The following SPOP variants were observed in gnomAD, a reference collection of about 807,000 sequenced individuals.
SPOP encodes the protein speckle-type POZ protein.
A neutral mutation model predicts 45.6 loss-of-function variants in SPOP; 11 were observed. The observed-to-expected ratio is 0.24, with a 90% CI of 0.15 to 0.40. SPOP has a LOEUF of 0.40. Among genes scored for constraint, SPOP ranks in the 10% least tolerant of loss-of-function variants. The pLI is 1.00. For synonymous variants in SPOP, 166 were observed against 166.3 expected, an observed-to-expected ratio of 1.00 and a Z score of 0.01; for missense variants, 152 against 465.6, an observed-to-expected ratio of 0.33 and a Z score of 6.20.
rs1240811970 is a variant in SPOP, at chr17:49,602,116, G to GA, written c.838-110dup. On this transcript the variant is annotated intron_variant, in intron 8 of 9. Coordinates refer to ENST00000504102, the MANE Select transcript of SPOP (RefSeq NM_001007228.2). ...ATCATATTAACTAGATACTTGAATA[G>GA]AACTGCACAGACCATGAAAAGCTAC... 3.2e-5 allele frequency: 39 copies of GA among 1,237,842 alleles called. No individual in the cohort carries two copies. The African/African-American group carries it at 5.1e-4, about 16-fold the overall frequency. 76.7% of individuals were successfully genotyped at this position (1,237,842 alleles called of 1,614,324 possible). A position where few individuals can be genotyped will look rare whatever the true frequency, so the allele number is the denominator to read the frequency against.
chr17:49,608,259 TC>T (rs760554654), intron 6 of SPOP, among the ~76,000 whole-genome samples: 2 of 152,112 alleles, frequency 1.3e-5, no homozygotes, highest in Non-Finnish European at 2.9e-5. Context: ...AAATGGAAGG[TC>T]CCTTATGATC....
At chr17:49,641,208 AGCAGAGAT>A (rs1481334512) in intron 1 of SPOP, among the ~76,000 whole-genome samples, 1 of 133,790 alleles carries the variant, frequency 7.5e-6, no homozygotes, top group Non-Finnish European at 1.5e-5. Context: ...GGTTGCAGTG[AGCAGAGAT>A]TGCATTACTG....
At position 49,624,567 on chromosome 17, in the gene SPOP, C is replaced by G. The variant is rs778030277; in HGVS notation, c.-66-1691G>C. ...CACTACAACCTCTGCCTCCCAGGCT[C>G]AAGCAATCCTCCTACCTCAGCCTCC... On this transcript the variant is annotated intron_variant, in intron 1 of 9. Transcript: ENST00000504102. 6.2e-4 allele frequency among the ~76,000 whole-genome samples: 95 copies of G among 152,150 alleles called. 1 individual carries two copies. Among genetic ancestry groups the G allele is most frequent in the Non-Finnish European group, 1.2e-3 (85 of 68,012 alleles).
chr17:49,601,649 T>C, intron 9 of SPOP: 1 of 510,458 alleles, frequency 2.0e-6, no homozygotes. Flanking sequence ...ATCACTTCGA[T>C]TCACTATGAG....
intron 6 of SPOP, 25 bp from the exon 7 acceptor site, chr17:49,607,954 AG>A: frequency 6.2e-7 from 1 of 1,610,290 alleles, no homozygotes; most frequent in Non-Finnish European, 8.5e-7. Context: ...AGAAACAAGC[AG>A]ATAAGGCTAT....
At chr17:49,607,700 C>T (rs1468211965) in intron 7 of SPOP, among the ~76,000 whole-genome samples, 174 bp downstream of exon 7, 1 of 152,102 alleles carries the variant, frequency 6.6e-6, no homozygotes, top group Non-Finnish European at 1.5e-5. Context: ...AGTCAATCTG[C>T]TTTACCCATA....
At chr17:49,670,330 T>G (rs2073121175) in intron 1 of SPOP, among the ~76,000 whole-genome samples, 1 of 152,222 alleles carries the variant, frequency 6.6e-6, no homozygotes, top group Admixed American at 6.5e-5. Context: ...TTCGGAGAGA[T>G]TCACTATGCC....
At position 49,622,866 on chromosome 17, in the gene SPOP, C is replaced by A. The variant is rs1303233302; in HGVS notation, c.-56G>T. 2.2e-6 allele frequency: 3 copies of A among 1,352,856 alleles called. No individual in the cohort carries two copies. Among genetic ancestry groups the A allele is most frequent in the Non-Finnish European group, 3.2e-6 (3 of 941,886 alleles). The allele number at this position is 1,352,856 out of a possible 1,614,324, so 83.8% of individuals were successfully genotyped here. A position where few individuals can be genotyped will look rare whatever the true frequency, so the allele number is the denominator to read the frequency against. On this transcript the variant is annotated 5_prime_UTR_variant, in exon 2 of 10. Transcript: ENST00000504102. ...AAGTCAGGGGGCAAAGATTTCTGTT[C>A]CCTCTTCACCCTGGTCAGATCCAAG...
intron 1 of SPOP, among the ~76,000 whole-genome samples, chr17:49,654,963 A>T (rs1163901386): frequency 6.6e-6 from 1 of 152,174 alleles, no homozygotes; most frequent in Non-Finnish European, 1.5e-5. Flanking sequence ...CCAAGTTAAC[A>T]GCATCCTAAG....
At chr17:49,669,521 C>G (rs1309112500) in intron 1 of SPOP, among the ~76,000 whole-genome samples, 1 of 142,316 alleles carries the variant, frequency 7.0e-6, no homozygotes, top group African/African-American at 2.6e-5. Context: ...AATCCCAGGA[C>G]TTTGGGAGGC....
intron 1 of SPOP, among the ~76,000 whole-genome samples, chr17:49,665,645 T>TACACACAC (rs1357014381): frequency 4.8e-5 from 3 of 62,480 alleles, no homozygotes; most frequent in South Asian, 6.2e-4. Flanking sequence ...TATATATATA[T>TACACACAC]ACAGACACAC....
At chr17:49,611,718 C>T (rs965533037) in intron 5 of SPOP, among the ~76,000 whole-genome samples, 2 of 152,136 alleles carry the variant, frequency 1.3e-5, no homozygotes, top group Admixed American at 1.3e-4. Context: ...TTCTAATAAG[C>T]TTCACCTCCC....
intron 6 of SPOP, among the ~76,000 whole-genome samples, chr17:49,611,036 A>G (rs901555269): frequency 6.6e-5 from 10 of 152,166 alleles, no homozygotes; most frequent in African/African-American, 2.4e-4. Flanking sequence ...ACCTTTGTAC[A>G]TCATCATCCA....
chr17:49,615,479 C>A (rs1290482688), intron 5 of SPOP, among the ~76,000 whole-genome samples: 2 of 151,728 alleles, frequency 1.3e-5, no homozygotes, highest in Admixed American at 1.3e-4. Context: ...TTTAAACATG[C>A]CTTCATGTCT....
intron 1 of SPOP, among the ~76,000 whole-genome samples, chr17:49,625,092 G>T (rs2072302882): frequency 6.6e-6 from 1 of 152,050 alleles, no homozygotes; most frequent in Non-Finnish European, 1.5e-5. Flanking sequence ...AGAGATTTGG[G>T]ATGGGCCCAA....
intron 1 of SPOP, among the ~76,000 whole-genome samples, chr17:49,641,719 C>T (rs1242539221): frequency 6.6e-6 from 1 of 151,942 alleles, no homozygotes; most frequent in Non-Finnish European, 1.5e-5. Flanking sequence ...ACATATTTTC[C>T]CTTAACAAAT....
intron 1 of SPOP, among the ~76,000 whole-genome samples, chr17:49,652,480 G>T (rs1185202350): frequency 1.3e-5 from 2 of 152,174 alleles, no homozygotes; most frequent in Non-Finnish European, 2.9e-5. Context: ...AGGAGAAAGT[G>T]TTTCTGGCCT....
At chr17:49,604,323 TAA>T (rs982135614) in intron 8 of SPOP, among the ~76,000 whole-genome samples, 10 of 152,218 alleles carry the variant, frequency 6.6e-5, no homozygotes, top group African/African-American at 2.4e-4. Flanking sequence ...ATTGTACTCA[TAA>T]AGTCTTGAAA....
At position 49,659,899 on chromosome 17, in the gene SPOP, G is replaced by A. The variant is rs146244249; in HGVS notation, c.-67+18034C>T. On this transcript the variant is annotated intron_variant, in intron 1 of 9. Transcript: ENST00000504102. ...CACGTCTACCCATCCAGTTGCTTCA[G>A]CCAGAAACCTGGGAGTCATTCTTGA... Among the ~76,000 whole-genome samples the A allele has an allele frequency of 9.2e-5, 14 of 152,150 alleles. No individual in the cohort carries two copies. In the East Asian group the frequency reaches 2.7e-3, roughly 29 times the overall value.
Sources: gnomAD v4.1 joint callset for allele counts (sites outside exome capture counted in the v4.1 genomes callset) on GRCh38, gnomAD v4.1.1 for gene constraint, MANE v1.5 for transcripts, NCBI Gene and HGNC (gene_info 2026-07-23, HGNC 2026-07-21) for gene names.